Variants in LVRN observed in about 807,000 individuals in gnomAD.
LVRN encodes laeverin, also known as aminopeptidase Q.
A neutral mutation model predicts 111.4 loss-of-function variants in LVRN; 99 were observed. The observed-to-expected ratio is 0.89, with a 90% CI of 0.76 to 1.05. The LOEUF (loss-of-function observed/expected upper bound fraction) is 1.05, where lower values mean the gene tolerates loss of function less well. Ranked by LOEUF, LVRN falls within the 50% of genes least tolerant of loss-of-function variation. LVRN has a pLI of 0.00. For synonymous variants in LVRN, 488 were observed against 449.5 expected (o/e 1.09, Z -1.08); for missense variants, 1,414 against 1,206.8 (o/e 1.17, Z -2.54).
At chr5:115,999,008 A>G (rs1021405270) in intron 6 of LVRN, among the ~76,000 whole-genome samples, 20 of 152,202 alleles carry the variant, frequency 1.3e-4, no homozygotes, top group African/African-American at 4.6e-4. Flanking sequence ...GATAGTCAGT[A>G]GGGACTTGAG....
At chr5:116,002,776 T>C (rs980569174) in intron 10 of LVRN, 59 bp from the exon 11 acceptor site, 1 of 1,255,782 alleles carries the variant, frequency 8.0e-7, no homozygotes. Context: ...TAATAGTGGC[T>C]CAGAGTGTAT....
chr5:116,010,400 A>G, intron 13 of LVRN: 1 of 366,696 alleles, frequency 2.7e-6, no homozygotes, highest in Non-Finnish European at 5.4e-6. Context: ...ATAGAGAATG[A>G]CTTCTAATTA....
chr5:115,967,572 AC>A (rs1165963388), intron 1 of LVRN, among the ~76,000 whole-genome samples: 1 of 152,036 alleles, frequency 6.6e-6, no homozygotes, highest in African/African-American at 2.4e-5. Flanking sequence ...AATTGTTTTA[AC>A]TATTTTAGTT....
intron 14 of LVRN, 129 bp downstream of exon 14, chr5:116,011,023 A>C: frequency 5.3e-6 from 1 of 187,010 alleles, no homozygotes; most frequent in Non-Finnish European, 9.0e-6. Context: ...ATATATATAT[A>C]TATGGAAGTA....
intron 1 of LVRN, among the ~76,000 whole-genome samples, chr5:115,964,877 C>T (rs1451394819): frequency 1.3e-5 from 2 of 152,188 alleles, no homozygotes; most frequent in Non-Finnish European, 2.9e-5. Flanking sequence ...AGAGTTGTTA[C>T]CCTTTGGGTC....
chr5:115,992,853 C>T (rs1292132368), intron 5 of LVRN, among the ~76,000 whole-genome samples: 1 of 152,148 alleles, frequency 6.6e-6, no homozygotes. Context: ...TGAAGATTTT[C>T]ATATCTGCAT....
chr5:116,011,539 G>C (rs1372001271), intron 14 of LVRN, among the ~76,000 whole-genome samples: 4 of 152,142 alleles, frequency 2.6e-5, no homozygotes, highest in African/African-American at 9.7e-5. Context: ...TGGGGAGTTA[G>C]GGGTCACACA....
intron 6 of LVRN, among the ~76,000 whole-genome samples, chr5:115,999,356 G>A (rs1252841505): frequency 6.6e-6 from 1 of 151,944 alleles, no homozygotes; most frequent in African/African-American, 2.4e-5. Flanking sequence ...GCATGCTTTT[G>A]GTTTGTAAAT....
intron 6 of LVRN, among the ~76,000 whole-genome samples, chr5:115,996,883 T>C (rs1748124542): frequency 6.6e-6 from 1 of 152,188 alleles, no homozygotes; most frequent in African/African-American, 2.4e-5. Context: ...TGAGCTTTAG[T>C]TCCTCATTTG....
intron 12 of LVRN, among the ~76,000 whole-genome samples, chr5:116,004,047 A>G (rs1748302752): frequency 6.6e-6 from 1 of 152,214 alleles, no homozygotes; most frequent in Non-Finnish European, 1.5e-5. Flanking sequence ...ATTATATTTT[A>G]TTCATCATGA....
intron 4 of LVRN, among the ~76,000 whole-genome samples, chr5:115,991,173 A>G (rs1429126390): frequency 6.6e-6 from 1 of 152,166 alleles, no homozygotes; most frequent in Non-Finnish European, 1.5e-5. Context: ...TCACTGCCAT[A>G]AAAATCCCCT....
At chr5:115,963,404 G>A in intron 1 of LVRN, 92 bp downstream of exon 1, 1 of 981,628 alleles carries the variant, frequency 1.0e-6, no homozygotes, top group Non-Finnish European at 1.5e-6. Flanking sequence ...GTCCAGGTGC[G>A]CGTCTGCTGC....
At chr5:116,025,835 C>T (rs1748852533) in intron 19 of LVRN, 143 bp from the exon 20 acceptor site, 2 of 1,032,956 alleles carry the variant, frequency 1.9e-6, no homozygotes, top group African/African-American at 3.2e-5. Context: ...CCCAGGGACA[C>T]ACAACCTAGG....
Position 116,026,058 on chromosome 5 carries a change from A to G in LVRN, c.2913A>G (p.Glu971=), listed in dbSNP as rs775968756. 3.1e-6 allele frequency: 5 copies of G among 1,613,856 alleles called. No individual in the cohort carries two copies. Among genetic ancestry groups the G allele is most frequent in the Non-Finnish European group, 3.4e-6 (4 of 1,179,902 alleles). ...VHANLQTIKN[E]NLKNKKLSAR... ...CCAACTTACAGACAATAAAGAATGA[A>G]AATCTGAAAAACAAGAAGCTAAGTG... Residue 971 remains glutamate, a synonymous_variant, in exon 20 of 20, where the codon GAA becomes GAG. Coordinates refer to ENST00000357872, the MANE Select transcript of LVRN (RefSeq NM_173800.5).
intron 12 of LVRN, among the ~76,000 whole-genome samples, chr5:116,004,175 G>C (rs1748307130): frequency 6.6e-6 from 1 of 152,134 alleles, no homozygotes; most frequent in African/African-American, 2.4e-5. Flanking sequence ...CTCTCCTTCA[G>C]AAGAGAGAAG....
rs374161548 is a variant in LVRN at position 115,963,322 on chromosome 5, G to A, written c.695+10G>A. 1.5e-5 allele frequency: 24 copies of A among 1,579,912 alleles called. No individual in the cohort carries two copies. Among genetic ancestry groups the A allele is most frequent in the East Asian group, 2.3e-5 (1 of 44,268 alleles). ...ACCAGGGCGAGCGCAGGTAAGGGCT[G>A]TACAGCCCGGGGCCCCTCTCGGCCC... is the stretch of plus-strand genomic sequence containing the variant. On this transcript the variant is annotated intron_variant, in intron 1 of 19. Transcript: ENST00000357872.
chr5:116,003,395 G>C lies in LVRN; in HGVS notation c.2037+15G>C. On this transcript the variant is annotated intron_variant, in intron 12 of 19. Coordinates refer to ENST00000357872, the MANE Select transcript of LVRN (RefSeq NM_173800.5). ...AGGATCCTAAGGTAAGGTTACTTTT[G>C]ATACTTTTAATTAAATATAATTTAT... The C allele has an allele frequency of 7.4e-7, 1 of 1,351,090 alleles. No individual in the cohort carries two copies. The highest frequency in any genetic ancestry group is 1.0e-6 in the Non-Finnish European group (1 of 998,824). The allele number at this position is 1,351,090 out of a possible 1,614,324, so 83.7% of individuals were successfully genotyped here.
At chr5:116,015,036 T>A (rs988150181) in intron 16 of LVRN, among the ~76,000 whole-genome samples, 1 of 152,188 alleles carries the variant, frequency 6.6e-6, no homozygotes, top group Admixed American at 6.5e-5. Flanking sequence ...TATTCTAATT[T>A]ACTTCTTTCT....
At chr5:115,979,689 C>T (rs1416018761) in intron 1 of LVRN, among the ~76,000 whole-genome samples, 1 of 152,150 alleles carries the variant, frequency 6.6e-6, no homozygotes, top group South Asian at 2.1e-4. Context: ...AAACGTGATT[C>T]ATAAGCCAAC....
Sources: allele counts gnomAD v4.1 joint callset (sites outside exome capture counted in the v4.1 genomes callset), GRCh38; gene constraint gnomAD v4.1.1; transcripts MANE v1.5; gene names NCBI Gene and HGNC (gene_info 2026-07-23, HGNC 2026-07-21).